TNFSF4: variants seen among roughly 807,000 people sequenced by gnomAD.
TNFSF4 encodes the protein TNF superfamily member 4, also known as tumor necrosis factor ligand superfamily member 4.
A neutral mutation model predicts 7.3 loss-of-function variants in TNFSF4; 4 were observed. The observed-to-expected ratio is 0.55, with a 90% confidence interval of 0.27 to 1.25. The LOEUF (loss-of-function observed/expected upper bound fraction) is 1.25. Among genes scored for constraint, TNFSF4 ranks in the 50% most tolerant of loss-of-function variants. The pLI is 0.12. For missense variants in TNFSF4, 181 were observed against 208.8 expected, an observed-to-expected ratio of 0.87 and a Z score of 0.82; for synonymous variants, 76 against 83.7, an observed-to-expected ratio of 0.91 and a Z score of 0.50.
the TNFSF4 span, among the ~76,000 whole-genome samples, chr1:173,323,992 C>A: frequency 9.2e-5 from 14 of 152,152 alleles, no homozygotes. Context: ...CCAACATTCA[C>A]ATTCAGGAAA....
At chr1:173,348,290 T>G in the TNFSF4 span, among the ~76,000 whole-genome samples, 1 of 152,196 alleles carries the variant, frequency 6.6e-6, no homozygotes, top group African/African-American at 2.4e-5. Flanking sequence ...CTGATCGTTT[T>G]ATAAGGGAAA....
At chr1:173,424,241 C>A in the TNFSF4 span, among the ~76,000 whole-genome samples, 1 of 152,226 alleles carries the variant, frequency 6.6e-6, no homozygotes, top group Admixed American at 6.5e-5. Flanking sequence ...CTTCTCTTTA[C>A]TTGCTTCTTT....
At chr1:173,355,622 C>G in the TNFSF4 span, among the ~76,000 whole-genome samples, 1 of 152,222 alleles carries the variant, frequency 6.6e-6, no homozygotes, top group Non-Finnish European at 1.5e-5. Context: ...CCACTCAAAC[C>G]TCCCACAGGT....
At chr1:173,187,352 C>T (rs1649275136) in intron 2 of TNFSF4, among the ~76,000 whole-genome samples, 1 of 152,180 alleles carries the variant, frequency 6.6e-6, no homozygotes, top group African/African-American at 2.4e-5. Flanking sequence ...GGCAGTGGTG[C>T]CCCATGCCTT....
chr1:173,252,933 T>C, the TNFSF4 span, among the ~76,000 whole-genome samples: 3 of 152,236 alleles, frequency 2.0e-5, no homozygotes, highest in African/African-American at 7.2e-5. Flanking sequence ...CAGAACTTCC[T>C]TGAAATCTTA....
At chr1:173,187,623 A>G (rs924767628) in intron 2 of TNFSF4, among the ~76,000 whole-genome samples, 8 of 151,984 alleles carry the variant, frequency 5.3e-5, no homozygotes, top group Non-Finnish European at 1.0e-4. Flanking sequence ...TCTCTTCTCT[A>G]CCTCCTGTTG....
chr1:173,316,517 C>CACACCATGATTAGTTTATG, the TNFSF4 span, among the ~76,000 whole-genome samples: 1 of 152,004 alleles, frequency 6.6e-6, no homozygotes, highest in East Asian at 1.9e-4. Flanking sequence ...AAGTAACTTC[C>CACACCATGATTAGTTTATG]TGCCAAACCA....
At chr1:173,367,154 GAAT>G in the TNFSF4 span, among the ~76,000 whole-genome samples, 1 of 152,226 alleles carries the variant, frequency 6.6e-6, no homozygotes, top group African/African-American at 2.4e-5. Context: ...GACCTGGACT[GAAT>G]CATTCAGAGA....
the TNFSF4 span, among the ~76,000 whole-genome samples, chr1:173,365,389 A>C: frequency 6.6e-6 from 1 of 152,172 alleles, no homozygotes; most frequent in Non-Finnish European, 1.5e-5. Flanking sequence ...ACTGTCTCAA[A>C]AGGTTTTTTG....
the TNFSF4 span, among the ~76,000 whole-genome samples, chr1:173,178,710 G>A: frequency 6.6e-6 from 1 of 151,922 alleles, no homozygotes; most frequent in East Asian, 1.9e-4. Flanking sequence ...AATATTTCCG[G>A]TAGGTTGAAT....
At chr1:173,374,198 A>G in the TNFSF4 span, among the ~76,000 whole-genome samples, 3 of 152,146 alleles carry the variant, frequency 2.0e-5, no homozygotes, top group Admixed American at 2.0e-4. Context: ...TTGATCAGGA[A>G]ATGGCCAACT....
chr1:173,261,211 C>A, the TNFSF4 span, among the ~76,000 whole-genome samples: 1 of 152,148 alleles, frequency 6.6e-6, no homozygotes, highest in East Asian at 1.9e-4. Flanking sequence ...TATTGAAAAA[C>A]CTCCTCCTGA....
chr1:173,438,077 T>A, the TNFSF4 span, among the ~76,000 whole-genome samples: 4 of 152,098 alleles, frequency 2.6e-5, no homozygotes, highest in Admixed American at 6.6e-5. Flanking sequence ...AAACATGGTA[T>A]GTCCCCCAGT....
At chr1:173,299,387 A>G in the TNFSF4 span, among the ~76,000 whole-genome samples, 4 of 151,828 alleles carry the variant, frequency 2.6e-5, no homozygotes, top group Non-Finnish European at 5.9e-5. Context: ...CCCTTGCCCC[A>G]AGGTGTTAGG....
chr1:173,255,257 C>T, the TNFSF4 span, among the ~76,000 whole-genome samples: 1 of 152,174 alleles, frequency 6.6e-6, no homozygotes, highest in East Asian at 1.9e-4. Context: ...TCCTTTTTAT[C>T]TAATTACTTT....
At chr1:173,205,338 C>A in intron 1 of TNFSF4, 1 of 1,612,088 alleles carries the variant, frequency 6.2e-7, no homozygotes, top group South Asian at 1.1e-5. Flanking sequence ...TAGAAACCAG[C>A]ACCCTGCTTT....
chr1:173,385,446 C>T, the TNFSF4 span, among the ~76,000 whole-genome samples: 1 of 152,172 alleles, frequency 6.6e-6, no homozygotes, highest in Admixed American at 6.5e-5. Flanking sequence ...CTAATAACAG[C>T]CACAAAATTA....
chr1:173,324,012 C>T, the TNFSF4 span, among the ~76,000 whole-genome samples: 6 of 152,228 alleles, frequency 3.9e-5, no homozygotes, highest in South Asian at 2.1e-4. Flanking sequence ...ATACATAGAA[C>T]GCCACAAAGA....
At chr1:173,347,270 A>C in the TNFSF4 span, among the ~76,000 whole-genome samples, 1 of 152,260 alleles carries the variant, frequency 6.6e-6, no homozygotes. Flanking sequence ...TTAGCTTTTA[A>C]AAATTCTTAT....
Sources: gnomAD v4.1 joint callset for allele counts (sites outside exome capture counted in the v4.1 genomes callset) on GRCh38, gnomAD v4.1.1 for gene constraint, MANE v1.5 for transcripts, NCBI Gene and HGNC (gene_info 2026-07-23, HGNC 2026-07-21) for gene names.